Variants in RANBP17 observed in about 807,000 individuals in gnomAD.
The protein encoded by RANBP17 is ran-binding protein 17.
A neutral mutation model predicts 141.2 loss-of-function variants in RANBP17; 158 were observed. The ratio of observed to expected loss-of-function variants is 1.12; its 90% CI spans 0.98 to 1.28. The LOEUF (loss-of-function observed/expected upper bound fraction) is 1.28, where lower values mean the gene tolerates loss of function less well. Among genes scored for constraint, RANBP17 ranks in the 50% most tolerant of loss-of-function variants. The probability of loss-of-function intolerance (pLI) is 0.00; values close to 1 mark genes in which losing one functional copy is unlikely to be tolerated. For missense variants in RANBP17, 1,438 were observed against 1,290.7 expected (o/e 1.11, Z -1.75); for synonymous variants, 430 against 450.0 (o/e 0.96, Z 0.56).
chr5:171,290,437 G>T (rs1768426413), intron 25 of RANBP17, among the ~76,000 whole-genome samples: 1 of 152,056 alleles, frequency 6.6e-6, no homozygotes, highest in African/African-American at 2.4e-5. Context: ...AGTCCAATTT[G>T]CTTTATGCTT....
chr5:171,034,164 G>T (rs1781725683), intron 14 of RANBP17, among the ~76,000 whole-genome samples: 2 of 152,064 alleles, frequency 1.3e-5, no homozygotes, highest in South Asian at 4.1e-4. Flanking sequence ...ATGAAAGCCA[G>T]AAATTAGCAT....
chr5:171,284,333 A>G (rs2964522), intron 25 of RANBP17, among the ~76,000 whole-genome samples: 1 of 149,652 alleles, frequency 6.7e-6, no homozygotes, highest in Non-Finnish European at 1.5e-5. Flanking sequence ...TATTTTGTTT[A>G]TTTATTTTGG....
chr5:170,892,020 T>TA (rs1769660135), intron 3 of RANBP17, among the ~76,000 whole-genome samples: 1 of 152,118 alleles, frequency 6.6e-6, no homozygotes, highest in Non-Finnish European at 1.5e-5. Context: ...TAAATAAACA[T>TA]ATGTCTTGAG....
rs1487677074 is a variant in RANBP17, at chr5:171,047,148, C to T, written c.1710+78771C>T. On this transcript the variant is annotated intron_variant, in intron 14 of 27. Transcript: ENST00000523189. ...TTCTCCTGCTTCACTTCCCGAGTAGCTGGAATTACAGGTGCCCACCACCAC... is the reference window on the plus strand; with the variant it reads ...TTCTCCTGCTTCACTTCCCGAGTAGTTGGAATTACAGGTGCCCACCACCAC... 6.6e-5 allele frequency among the ~76,000 whole-genome samples: 10 copies of T among 150,404 alleles called. No individual in the cohort carries two copies. The Admixed American group carries it at 6.7e-4, about 10-fold the overall frequency.
At chr5:171,051,387 C>T (rs1782942653) in intron 14 of RANBP17, among the ~76,000 whole-genome samples, 1 of 152,114 alleles carries the variant, frequency 6.6e-6, no homozygotes, top group Admixed American at 6.6e-5. Context: ...TAATCACTCT[C>T]TATTCTTTAT....
chr5:170,863,583 G>C lies in RANBP17; in HGVS notation c.18+1532G>C, dbSNP rs1275258984. On this transcript the variant is annotated intron_variant, in intron 1 of 27. Transcript: ENST00000523189. ...TACCACTTTAGTAAATATGCCCTCTGGGAAATTTTCACAGGAAGAATCTTA... is the reference window on the plus strand; with the variant it reads ...TACCACTTTAGTAAATATGCCCTCTCGGAAATTTTCACAGGAAGAATCTTA... 5 of 152,144 alleles carry C rather than the reference G, an allele frequency of 3.3e-5. No individual in the cohort carries two copies. In the East Asian group the frequency reaches 9.6e-4, roughly 29 times the overall value. 9.4% of individuals were successfully genotyped at this position (152,144 alleles called of 1,614,324 possible).
chr5:171,073,220 G>GATGA (rs1188538710), intron 14 of RANBP17, among the ~76,000 whole-genome samples: 1 of 152,016 alleles, frequency 6.6e-6, no homozygotes, highest in African/African-American at 2.4e-5. Flanking sequence ...AACTATAACT[G>GATGA]ATGAATCTAA....
At chr5:171,024,576 CT>C (rs199805104) in intron 14 of RANBP17, among the ~76,000 whole-genome samples, 1,625 of 152,248 alleles carry the variant, frequency 0.011, 30 homozygotes, top group African/African-American at 0.034. Context: ...ACTTATAAAC[CT>C]GGTATATACT....
intron 22 of RANBP17, among the ~76,000 whole-genome samples, chr5:171,229,190 G>A (rs1052764746): frequency 1.3e-5 from 2 of 152,170 alleles, no homozygotes; most frequent in African/African-American, 4.8e-5. Flanking sequence ...CTTGTCAGTT[G>A]GTTAAGGCAT....
chr5:171,061,591 G>C (rs1202827943), intron 14 of RANBP17, among the ~76,000 whole-genome samples: 8 of 151,922 alleles, frequency 5.3e-5, no homozygotes, highest in Admixed American at 2.6e-4. Flanking sequence ...ACTATGTGGT[G>C]AATTTTGGAA....
intron 14 of RANBP17, among the ~76,000 whole-genome samples, chr5:171,155,078 G>GAAAAAAAAAAAAA (rs145976955): frequency 1.3e-5 from 1 of 75,038 alleles, no homozygotes; most frequent in Non-Finnish European, 2.3e-5. Flanking sequence ...ACTCCATCTA[G>GAAAAAAAAAAAAA]AAAAAAAAAA....
In RANBP17 at chr5:171,242,756, C is replaced by A. The variant is rs554888397; in HGVS notation, c.2712C>A (p.Ile904=). 1.2e-6 allele frequency: 2 copies of A among 1,613,526 alleles called. No homozygotes were observed. The highest frequency in any genetic ancestry group is 1.7e-6 in the Non-Finnish European group (2 of 1,179,538). The part of the protein sequence containing the change: ...CLTQDHMSFI[I]NLEPPVLMYV... ...CTCAGGACCATATGAGCTTCATCAT[C>A]AACTTAGAGCCTCCTGTACTCATGT... The change falls in exon 24 of 28, where the codon ATC becomes ATA. Residue 904 remains isoleucine, a synonymous_variant. Coordinates refer to ENST00000523189, the MANE Select transcript of RANBP17 (RefSeq NM_022897.5).
intron 14 of RANBP17, among the ~76,000 whole-genome samples, chr5:171,156,891 C>G (rs189292504): frequency 5.7e-4 from 87 of 151,962 alleles, no homozygotes; most frequent in African/African-American, 2.1e-3. Context: ...TTTTTTTCTC[C>G]GGGGCATTTT....
chr5:171,131,397 A>G (rs1756910109), intron 14 of RANBP17, among the ~76,000 whole-genome samples: 1 of 152,230 alleles, frequency 6.6e-6, no homozygotes, highest in Non-Finnish European at 1.5e-5. Flanking sequence ...GCTCACTGCT[A>G]CTGTATTGTA....
intron 21 of RANBP17, among the ~76,000 whole-genome samples, chr5:171,216,844 T>G (rs1189952059): frequency 6.6e-6 from 1 of 152,210 alleles, no homozygotes; most frequent in Non-Finnish European, 1.5e-5. Context: ...TATACAATCA[T>G]GTCATCGGCA....
intron 14 of RANBP17, among the ~76,000 whole-genome samples, chr5:171,065,656 T>C (rs958532727): frequency 6.6e-6 from 1 of 152,284 alleles, no homozygotes; most frequent in South Asian, 2.1e-4. Flanking sequence ...TTTTATCATA[T>C]ACTAGATGTT....
At chr5:171,281,808 A>G (rs545856883) in intron 25 of RANBP17, among the ~76,000 whole-genome samples, 1 of 152,350 alleles carries the variant, frequency 6.6e-6, no homozygotes, top group Admixed American at 6.5e-5. Flanking sequence ...CCTTGTAGAT[A>G]ACGAGAGGCA....
chr5:171,108,802 GA>G (rs1264910368), intron 14 of RANBP17, among the ~76,000 whole-genome samples: 2 of 152,122 alleles, frequency 1.3e-5, no homozygotes, highest in South Asian at 4.2e-4. Flanking sequence ...TGCTTTTTTG[GA>G]AAAACTTGCT....
In RANBP17 at chr5:171,206,191, A is replaced by G. The variant is rs1158362529; in HGVS notation, c.2231+579A>G. ...GAAATGCCTTATCATGTAAGAGTTA[A>G]AAGAGCATAGACTTTGGTGATAGAC... On this transcript the variant is annotated intron_variant, in intron 20 of 27. Coordinates refer to ENST00000523189, the MANE Select transcript of RANBP17 (RefSeq NM_022897.5). 1.8e-5 allele frequency: 3 copies of G among 170,680 alleles called. No homozygotes were observed. The East Asian group carries it at 5.0e-4, about 29-fold the overall frequency. The allele number at this position is 170,680 out of a possible 1,614,324, so 10.6% of individuals were successfully genotyped here.
Sources: allele counts gnomAD v4.1 joint callset (sites outside exome capture counted in the v4.1 genomes callset), GRCh38; gene constraint gnomAD v4.1.1; transcripts MANE v1.5; gene names NCBI Gene and HGNC (gene_info 2026-07-23, HGNC 2026-07-21).